Variants in PNO1 observed in about 807,000 individuals in gnomAD.
PNO1 encodes the protein partner of NOB1 homolog, also known as RNA-binding protein PNO1.
A neutral mutation model predicts 28.4 loss-of-function variants in PNO1; 16 were observed. That is an observed-to-expected ratio of 0.56 (90% CI 0.38 to 0.85). PNO1 has a LOEUF of 0.85. Among genes scored for constraint, PNO1 ranks in the 40% least tolerant of loss-of-function variants. PNO1 has a pLI of 0.00. For missense variants in PNO1, 304 were observed against 312.2 expected (o/e 0.97, Z 0.20); for synonymous variants, 115 against 110.8 (o/e 1.04, Z -0.24).
At chr2:68,168,581 G>A (rs150333587) in intron 5 of PNO1, among the ~76,000 whole-genome samples, 2 of 152,258 alleles carry the variant, frequency 1.3e-5, no homozygotes, top group African/African-American at 2.4e-5. Context: ...AATATCCTGT[G>A]GCAATTAGAA....
intron 5 of PNO1, among the ~76,000 whole-genome samples, chr2:68,171,339 C>G (rs1357786214): frequency 6.6e-6 from 1 of 152,200 alleles, no homozygotes; most frequent in African/African-American, 2.4e-5. Context: ...TGCATTCTGG[C>G]TGCACAGCCA....
intron 5 of PNO1, among the ~76,000 whole-genome samples, chr2:68,165,074 G>A (rs185298508): frequency 3.3e-5 from 5 of 151,932 alleles, no homozygotes; most frequent in Non-Finnish European, 7.4e-5. Context: ...CATGAATTTA[G>A]AAATCCATGG....
Position 68,157,978 on chromosome 2 carries a change from G to A in PNO1, c.44G>A (p.Gly15Asp). The A allele has an allele frequency of 6.2e-6, 10 of 1,614,132 alleles. No homozygotes were observed. The highest frequency in any genetic ancestry group is 8.5e-6 in the Non-Finnish European group (10 of 1,180,022). The part of the protein sequence containing the change: ...METQSARAEE[G>D]FTQVTRKGGR... The stretch of plus-strand genomic sequence containing the variant: ...ACGCAGAGCGCCAGGGCAGAGGAGG[G>A]CTTTACCCAGGTCACCCGCAAGGGT... The change falls in exon 1 of 7, where the codon GGC becomes GAC. Residue 15 changes from glycine (G) to aspartate (D), a missense_variant. By Grantham distance (94) the Gly-to-Asp change is moderately conservative (BLOSUM62 -1). Coordinates refer to ENST00000263657, the MANE Select transcript of PNO1 (RefSeq NM_020143.4).
At chr2:68,161,841 A>T (rs1333786460) in intron 3 of PNO1, 75 bp downstream of exon 3, 3 of 275,334 alleles carry the variant, frequency 1.1e-5, no homozygotes, top group Non-Finnish European at 1.8e-5. Context: ...ATTAGGCATT[A>T]AAAAAAAAAA....
In PNO1 at chr2:68,173,574, GAATTTTTTTTT is replaced by G. The variant is rs1674188187; in HGVS notation, c.691+158_691+168del. ...AAAGGTGGGCCTAGAGAAGGAAGTA[GAATTTTTTTTT>G]TTTTTTTTTTTTTCTGAGCCAGAGT... On this transcript the variant is annotated intron_variant, in intron 6 of 6. Transcript: ENST00000263657. Among the ~76,000 whole-genome samples, 4 of 123,232 alleles carry G rather than the reference GAATTTTTTTTT, an allele frequency of 3.2e-5. No homozygotes were observed. The South Asian group carries it at 1.1e-3, about 34-fold the overall frequency. 80.8% of individuals were successfully genotyped at this position (123,232 alleles called of 152,430 possible).
intron 3 of PNO1, 62 bp from the exon 4 acceptor site, chr2:68,162,203 C>A: frequency 8.0e-7 from 1 of 1,252,598 alleles, no homozygotes; most frequent in Non-Finnish European, 1.2e-6. Flanking sequence ...GTGCTTTGCA[C>A]TTTACTCTTT....
chr2:68,162,504 C>G, intron 4 of PNO1, 42 bp from the exon 5 acceptor site: 1 of 1,371,642 alleles, frequency 7.3e-7, no homozygotes, highest in African/African-American at 1.4e-5. Flanking sequence ...GGGTGGTACA[C>G]TAGAATGGCT....
At chr2:68,161,513 T>A (rs1673830026) in intron 2 of PNO1, among the ~76,000 whole-genome samples, 170 bp from the exon 3 acceptor site, 1 of 152,184 alleles carries the variant, frequency 6.6e-6, no homozygotes, top group African/African-American at 2.4e-5. Flanking sequence ...GTTTTGCAAA[T>A]AAAGTACAGC....
intron 5 of PNO1, among the ~76,000 whole-genome samples, chr2:68,168,152 C>T (rs960454100): frequency 6.6e-6 from 1 of 152,156 alleles, no homozygotes; most frequent in Non-Finnish European, 1.5e-5. Flanking sequence ...ATGCTGAATG[C>T]GTTGGCCAAG....
Position 68,158,528 on chromosome 2 carries a change from G to C in PNO1, c.356G>C (p.Arg119Thr), listed in dbSNP as rs750713723. The change falls in exon 2 of 7, where the codon AGG becomes ACG. Residue 119 changes from arginine (R) to threonine (T), a missense_variant and splice_region_variant. Physicochemically the swap from Arg to Thr is moderately conservative, Grantham distance 71. Transcript: ENST00000263657. ...FNLKSRNVEI[R>T]TCKETKDVSA... is the part of the protein sequence containing the mutation. Reference sequence around the variant, plus strand: ...TTGAAATCAAGGAATGTAGAAATCAGGGTAAGGAAAATCTCAATCATTTCC... The same window carrying C: ...TTGAAATCAAGGAATGTAGAAATCACGGTAAGGAAAATCTCAATCATTTCC... 10 of 1,610,706 alleles carry C rather than the reference G, an allele frequency of 6.2e-6. No individual in the cohort carries two copies. The African/African-American group carries it at 6.7e-5, about 11-fold the overall frequency.
intron 5 of PNO1, among the ~76,000 whole-genome samples, chr2:68,169,476 TG>T (rs1674072783): frequency 6.6e-6 from 1 of 152,212 alleles, no homozygotes; most frequent in Non-Finnish European, 1.5e-5. Context: ...CAGCATCACA[TG>T]GCATTCTAAG....
chr2:68,170,727 G>A (rs1410504978), intron 5 of PNO1, among the ~76,000 whole-genome samples: 2 of 112,316 alleles, frequency 1.8e-5, no homozygotes, highest in Non-Finnish European at 3.3e-5. Context: ...CAGCCTGGGG[G>A]ACAGAGCAAG....
intron 5 of PNO1, among the ~76,000 whole-genome samples, chr2:68,165,471 G>C (rs1673967148): frequency 6.6e-6 from 1 of 150,988 alleles, no homozygotes; most frequent in Admixed American, 6.6e-5. Flanking sequence ...GCTTGAACCT[G>C]GGAGGCGGAG....
intron 5 of PNO1, chr2:68,173,132 C>A: frequency 1.0e-5 from 2 of 199,498 alleles, no homozygotes; most frequent in Non-Finnish European, 1.9e-5. Flanking sequence ...TGGTCTGTCA[C>A]TCAGGTTGGC....
intron 1 of PNO1, 82 bp downstream of exon 1, chr2:68,158,223 C>T: frequency 6.9e-7 from 1 of 1,439,778 alleles, no homozygotes; most frequent in Non-Finnish European, 9.4e-7. Context: ...AATGTTGAAG[C>T]TGCGGTGGGG....
chr2:68,162,013 C>T (rs558165255), intron 3 of PNO1, among the ~76,000 whole-genome samples: 1 of 152,154 alleles, frequency 6.6e-6, no homozygotes, highest in South Asian at 2.1e-4. Flanking sequence ...GTAGTGCATG[C>T]CTGCAGTCCC....
chr2:68,166,405 TAAG>T (rs1673998414), intron 5 of PNO1, among the ~76,000 whole-genome samples: 1 of 152,122 alleles, frequency 6.6e-6, no homozygotes, highest in Non-Finnish European at 1.5e-5. Context: ...AAAATGTTAT[TAAG>T]AAAATTATAA....
rs528930478 is a variant in PNO1, at chr2:68,166,500, G to A, written c.620+3837G>A. The stretch of plus-strand genomic sequence containing the variant: ...TCATGGTGAATAAGCTAAGGAAGAC[G>A]AGGAAGAGGGGTTAATCTTGCTGTC... On this transcript the variant is annotated intron_variant, in intron 5 of 6. Transcript: ENST00000263657. Among the ~76,000 whole-genome samples, 14 of 152,176 alleles carry A rather than the reference G, an allele frequency of 9.2e-5. No homozygotes were observed. In the South Asian group the frequency reaches 1.0e-3, roughly 11 times the overall value.
intron 5 of PNO1, among the ~76,000 whole-genome samples, chr2:68,165,289 G>A (rs1285515685): frequency 2.0e-5 from 3 of 148,868 alleles, no homozygotes; most frequent in Admixed American, 6.7e-5. Flanking sequence ...GCGTGAACCC[G>A]GGAGGCGGAG....
Sources: gnomAD v4.1 joint callset for allele counts (sites outside exome capture counted in the v4.1 genomes callset) on GRCh38, gnomAD v4.1.1 for gene constraint, MANE v1.5 for transcripts, NCBI Gene and HGNC (gene_info 2026-07-23, HGNC 2026-07-21) for gene names.